The following SLC47A1 variants were observed in gnomAD, a reference collection of about 807,000 sequenced individuals.
SLC47A1 encodes solute carrier family 47 member 1.
SLC47A1 carries 58 observed loss-of-function variants against 65.8 expected under a neutral mutation model. The ratio of observed to expected loss-of-function variants is 0.88; its 90% CI spans 0.71 to 1.10. The LOEUF (loss-of-function observed/expected upper bound fraction) is 1.10. SLC47A1 is among the 50% of genes least tolerant of loss of function. SLC47A1 has a pLI of 0.00. For synonymous variants in SLC47A1, 285 were observed against 295.0 expected (o/e 0.97, Z 0.35); for missense variants, 706 against 719.2 (o/e 0.98, Z 0.21).
intron 1 of SLC47A1, among the ~76,000 whole-genome samples, chr17:19,541,365 G>T (rs1916144951): frequency 6.6e-6 from 1 of 152,158 alleles, no homozygotes; most frequent in African/African-American, 2.4e-5. Flanking sequence ...AGGGGAGAGG[G>T]GCTTCCCCAA....
At chr17:19,541,513 C>T (rs1352499329) in intron 1 of SLC47A1, among the ~76,000 whole-genome samples, 1 of 152,128 alleles carries the variant, frequency 6.6e-6, no homozygotes, top group African/African-American at 2.4e-5. Context: ...ACTGGAATTT[C>T]GAGGAAGAAT....
chr17:19,568,446 G>T (rs898926283), intron 14 of SLC47A1, among the ~76,000 whole-genome samples: 19 of 152,190 alleles, frequency 1.2e-4, no homozygotes, highest in African/African-American at 4.3e-4. Context: ...TGTATTTTAT[G>T]TAACACAATA....
intron 1 of SLC47A1, chr17:19,535,383 CAGG>C (rs1915964283): frequency 6.6e-6 from 1 of 151,838 alleles, no homozygotes; most frequent in Non-Finnish European, 1.5e-5. Context: ...TACAGTGAGC[CAGG>C]ATGGTGCCAC....
rs61733934 is a variant in SLC47A1 at position 19,534,026 on chromosome 17, C to T, written c.87C>T (p.Ser29=). 18,941 of 1,547,452 alleles carry T rather than the reference C, an allele frequency of 0.012. 172 individuals carry two copies. The highest frequency in any genetic ancestry group is 0.028 in the Middle Eastern group (144 of 5,188). The change falls in exon 1 of 17, where the codon TCC becomes TCT. Residue 29 remains serine (S), a synonymous_variant. Coordinates refer to ENST00000270570, the MANE Select transcript of SLC47A1 (RefSeq NM_018242.3). Reference sequence around the variant, plus strand: ...GTGGGTCGCGCTGCTTGCGGCTGTCCGCCTTCCGAGAAGAGCTGCGGGCGC... The same window carrying T: ...GTGGGTCGCGCTGCTTGCGGCTGTCTGCCTTCCGAGAAGAGCTGCGGGCGC... ...EVRGSRCLRL[S]AFREELRALL...
intron 1 of SLC47A1, among the ~76,000 whole-genome samples, chr17:19,537,860 G>T (rs1275236331): frequency 6.6e-6 from 1 of 152,168 alleles, no homozygotes; most frequent in African/African-American, 2.4e-5. Context: ...CCTCAGCCTG[G>T]AAAGTCCTCC....
intron 1 of SLC47A1, among the ~76,000 whole-genome samples, chr17:19,537,420 G>A (rs563138879): frequency 6.6e-6 from 1 of 152,328 alleles, no homozygotes; most frequent in Non-Finnish European, 1.5e-5. Context: ...AATTCTGCAG[G>A]GGAAGCCTGG....
At chr17:19,576,293 T>C (rs1272611581) in intron 16 of SLC47A1, among the ~76,000 whole-genome samples, 9 of 148,824 alleles carry the variant, frequency 6.0e-5, no homozygotes, top group Admixed American at 6.9e-5. Flanking sequence ...GGCCCTTTGA[T>C]GTGAACGGTC....
chr17:19,536,368 T>C (rs1469400707), intron 1 of SLC47A1, among the ~76,000 whole-genome samples: 1 of 152,156 alleles, frequency 6.6e-6, no homozygotes, highest in East Asian at 1.9e-4. Flanking sequence ...GGATGAGCAC[T>C]AGACTGACAT....
chr17:19,543,489 A>T (rs1916207590), intron 2 of SLC47A1, among the ~76,000 whole-genome samples: 1 of 152,118 alleles, frequency 6.6e-6, no homozygotes, highest in Non-Finnish European at 1.5e-5. Flanking sequence ...GTAAAAGGGG[A>T]GTTCAGTCTG....
At chr17:19,541,514 G>A (rs1049894022) in intron 1 of SLC47A1, among the ~76,000 whole-genome samples, 1 of 152,138 alleles carries the variant, frequency 6.6e-6, no homozygotes, top group African/African-American at 2.4e-5. Flanking sequence ...CTGGAATTTC[G>A]AGGAAGAATG....
intron 4 of SLC47A1, among the ~76,000 whole-genome samples, chr17:19,549,205 GT>G (rs576800978): frequency 7.5e-5 from 11 of 145,722 alleles, no homozygotes; most frequent in South Asian, 2.2e-4. Flanking sequence ...CCGCAGTTTT[GT>G]TTTTTTTTTT....
chr17:19,549,094 G>T, intron 4 of SLC47A1, among the ~76,000 whole-genome samples: 1 of 152,104 alleles, frequency 6.6e-6, no homozygotes, highest in East Asian at 1.9e-4. Flanking sequence ...ATAGTGCTGA[G>T]GTTGAAAAAC....
chr17:19,540,910 G>C (rs926733674), intron 1 of SLC47A1, among the ~76,000 whole-genome samples: 2 of 151,638 alleles, frequency 1.3e-5, no homozygotes, highest in African/African-American at 4.9e-5. Flanking sequence ...TGCTTGCTCT[G>C]AAGGTCTGGG....
At chr17:19,564,173 C>T (rs191020125) in intron 12 of SLC47A1, among the ~76,000 whole-genome samples, 34 of 152,006 alleles carry the variant, frequency 2.2e-4, no homozygotes, top group Non-Finnish European at 3.5e-4. Flanking sequence ...GGAAACATGG[C>T]GAAACCCCAT....
intron 2 of SLC47A1, 75 bp from the exon 3 acceptor site, chr17:19,546,360 A>AT: frequency 2.1e-6 from 3 of 1,452,900 alleles, no homozygotes; most frequent in Non-Finnish European, 2.9e-6. Flanking sequence ...GCAGGCTCTT[A>AT]TCAATACACA....
chr17:19,566,895 T>C, intron 13 of SLC47A1, 36 bp downstream of exon 13: 3 of 1,608,564 alleles, frequency 1.9e-6, no homozygotes, highest in Non-Finnish European at 2.6e-6. Context: ...AGCACTGTTA[T>C]GATCTTCTGA....
At chr17:19,560,820 A>T (rs2084303136) in intron 12 of SLC47A1, among the ~76,000 whole-genome samples, 2 of 151,464 alleles carry the variant, frequency 1.3e-5, no homozygotes, top group African/African-American at 4.9e-5. Flanking sequence ...CAGAGGTTGC[A>T]GTGAGCCGAG....
Position 19,560,232 on chromosome 17 carries a change from C to A in SLC47A1, c.966C>A (p.Asn322Lys), listed in dbSNP as rs370231447. 1 of 1,613,392 alleles carries A rather than the reference C, an allele frequency of 6.2e-7. No homozygotes were observed. The highest frequency in any genetic ancestry group is 2.2e-5 in the East Asian group (1 of 44,884). The change falls in exon 11 of 17, where the codon AAC becomes AAA. Residue 322 changes from asparagine (N) to lysine (K), a missense_variant. Transcript: ENST00000270570. ...TGGCTGCCAGTGTCCGGGTAGGAAA[C>A]GCTCTGGGTGCTGGAGACATGGAGC... ...FSVAASVRVG[N>K]ALGAGDMEQA...
At chr17:19,572,691 A>G in intron 15 of SLC47A1, 89 bp from the exon 16 acceptor site, 1 of 1,204,586 alleles carries the variant, frequency 8.3e-7, no homozygotes, top group Non-Finnish European at 1.2e-6. Flanking sequence ...ATTAAGGAAA[A>G]TGGCTTGGCT....
Sources: allele counts gnomAD v4.1 joint callset (sites outside exome capture counted in the v4.1 genomes callset), GRCh38; gene constraint gnomAD v4.1.1; transcripts MANE v1.5; gene names NCBI Gene and HGNC (gene_info 2026-07-23, HGNC 2026-07-21).